Variants in NAV3 observed in about 807,000 individuals in gnomAD.
NAV3 encodes the protein neuron navigator 3.
Under a neutral mutation model 244.7 loss-of-function variants are expected in NAV3, and 87 were observed. The ratio of observed to expected loss-of-function variants is 0.36; its 90% CI spans 0.30 to 0.42. The LOEUF is 0.42. Ranked by LOEUF, NAV3 falls within the 20% of genes least tolerant of loss-of-function variation. The pLI is 1.00. For synonymous variants in NAV3, 1,126 were observed against 1,042.2 expected, an observed-to-expected ratio of 1.08 and a Z score of -1.55; for missense variants, 2,663 against 2,893.3, an observed-to-expected ratio of 0.92 and a Z score of 1.83.
intron 34 of NAV3, 89 bp downstream of exon 34, chr12:78,190,308 T>A: frequency 9.5e-7 from 1 of 1,047,454 alleles, no homozygotes; most frequent in Non-Finnish European, 1.4e-6. Context: ...GACTTCCATG[T>A]TGTACATGGA....
At chr12:78,067,932 T>C (rs887910636) in intron 12 of NAV3, among the ~76,000 whole-genome samples, 1 of 151,458 alleles carries the variant, frequency 6.6e-6, no homozygotes, top group Non-Finnish European at 1.5e-5. Context: ...ATGAGGATGG[T>C]AAACATATTG....
intron 2 of NAV3, among the ~76,000 whole-genome samples, chr12:77,737,025 C>T (rs1056541902): frequency 6.6e-6 from 1 of 151,728 alleles, no homozygotes; most frequent in Non-Finnish European, 1.5e-5. Flanking sequence ...CTCCTTCTAA[C>T]TTGAAGAGGG....
chr12:77,653,189 A>C (rs1410114959), intron 2 of NAV3, among the ~76,000 whole-genome samples: 1 of 152,224 alleles, frequency 6.6e-6, no homozygotes. Context: ...AGCTGCCAAA[A>C]TGCTCAGGTA....
intron 8 of NAV3, among the ~76,000 whole-genome samples, chr12:78,015,346 ATCT>A (rs1159018831): frequency 6.6e-6 from 1 of 152,112 alleles, no homozygotes; most frequent in Non-Finnish European, 1.5e-5. Flanking sequence ...TAGCTGTCAC[ATCT>A]TCTGAATATC....
In NAV3 at chr12:78,146,357, A is replaced by AT; in HGVS notation, c.4684-10dup. ...TTTTATAGTTAAAGTCTTTCTTTTT[A>AT]TTGTTTTACAGGCTGAAGAAAAGGC... On this transcript the variant is annotated splice_polypyrimidine_tract_variant and intron_variant, in intron 20 of 39. Coordinates refer to ENST00000397909, the MANE Select transcript of NAV3 (RefSeq NM_001024383.2). 9.3e-7 allele frequency: 1 copy of AT among 1,071,914 alleles called. No individual in the cohort carries two copies. Among genetic ancestry groups the AT allele is most frequent in the Non-Finnish European group, 1.3e-6 (1 of 766,526 alleles). The allele number at this position is 1,071,914 out of a possible 1,614,324, so 66.4% of individuals were successfully genotyped here.
At chr12:78,097,652 T>C (rs1029785691) in intron 12 of NAV3, among the ~76,000 whole-genome samples, 1 of 152,184 alleles carries the variant, frequency 6.6e-6, no homozygotes, top group African/African-American at 2.4e-5. Context: ...TTAATACTTT[T>C]GTAATTTTGT....
At chr12:77,686,525 A>G (rs1462524408) in intron 2 of NAV3, among the ~76,000 whole-genome samples, 3 of 145,432 alleles carry the variant, frequency 2.1e-5, no homozygotes, top group Non-Finnish European at 4.5e-5. Flanking sequence ...TTTCCTATAT[A>G]TGTAATATTT....
At chr12:77,775,971 G>A (rs1870333622) in intron 2 of NAV3, 1 of 152,192 alleles carries the variant, frequency 6.6e-6, no homozygotes, top group African/African-American at 2.4e-5. Context: ...ATCTTCCCAA[G>A]GGATATAGTC....
chr12:77,978,169 A>T (rs1027082410), intron 5 of NAV3, among the ~76,000 whole-genome samples: 1 of 152,232 alleles, frequency 6.6e-6, no homozygotes, highest in Non-Finnish European at 1.5e-5. Context: ...TACATTTGAA[A>T]GTATGAGATT....
chr12:78,162,894 A>ATATATATT (rs1441428395), intron 23 of NAV3, among the ~76,000 whole-genome samples: 48 of 130,050 alleles, frequency 3.7e-4, no homozygotes, highest in African/African-American at 1.1e-3. Context: ...TATATATAAT[A>ATATATATT]TATATATAAA....
At chr12:77,837,228 TAAAGTTTAAACTTTAAACTTTA>T (rs1874806707) in intron 1 of NAV3, among the ~76,000 whole-genome samples, 1 of 151,232 alleles carries the variant, frequency 6.6e-6, no homozygotes, top group Non-Finnish European at 1.5e-5. Flanking sequence ...TGTAAACTTT[TAAAGTTTAAACTTTAAACTTTA>T]AAAGTTTACA....
At chr12:78,029,625 T>TA (rs530715742) in intron 9 of NAV3, among the ~76,000 whole-genome samples, 19 of 149,126 alleles carry the variant, frequency 1.3e-4, no homozygotes, top group African/African-American at 3.2e-4. Context: ...TCTTCTCACC[T>TA]AAAAAAAAAA....
chr12:78,006,002 G>A lies in NAV3; in HGVS notation c.881-417G>A, dbSNP rs1238820254. Among the ~76,000 whole-genome samples, 5 of 152,058 alleles carry A rather than the reference G, an allele frequency of 3.3e-5. No individual in the cohort carries two copies. In the South Asian group the frequency reaches 6.2e-4, roughly 19 times the overall value. ...CAGCTCACTGCAACCTCTGCTTCCC[G>A]AGTTCAAGCATTATACAACATATTT... On this transcript the variant is annotated intron_variant, in intron 7 of 39. Coordinates refer to ENST00000397909, the MANE Select transcript of NAV3 (RefSeq NM_001024383.2).
intron 2 of NAV3, among the ~76,000 whole-genome samples, chr12:77,762,765 G>A (rs988154010): frequency 2.6e-5 from 4 of 152,004 alleles, no homozygotes; most frequent in African/African-American, 9.7e-5. Flanking sequence ...TGTTAAATGT[G>A]TAGTTTCTGG....
At chr12:78,065,757 C>T (rs1884940524) in intron 12 of NAV3, among the ~76,000 whole-genome samples, 1 of 151,942 alleles carries the variant, frequency 6.6e-6, no homozygotes, top group South Asian at 2.1e-4. Context: ...AGGAAAGTTG[C>T]AGGGAAGGTA....
chr12:77,951,875 A>G (rs1032732106), intron 3 of NAV3, among the ~76,000 whole-genome samples: 2 of 152,012 alleles, frequency 1.3e-5, no homozygotes, highest in African/African-American at 2.4e-5. Context: ...ACATGAGAAC[A>G]CTTGGACACA....
intron 4 of NAV3, 145 bp from the exon 5 acceptor site, chr12:77,968,374 G>T: frequency 1.5e-6 from 1 of 655,178 alleles, no homozygotes; most frequent in Non-Finnish European, 2.6e-6. Context: ...AGAAATTCAG[G>T]TTTGTTTGTG....
chr12:77,737,711 T>A (rs1257180813), intron 2 of NAV3, among the ~76,000 whole-genome samples: 1 of 152,192 alleles, frequency 6.6e-6, no homozygotes, highest in Non-Finnish European at 1.5e-5. Context: ...TTTGTATATG[T>A]AATTTCTGGT....
intron 1 of NAV3, among the ~76,000 whole-genome samples, chr12:77,851,992 C>T (rs1274718792): frequency 1.3e-5 from 2 of 152,130 alleles, no homozygotes; most frequent in African/African-American, 4.8e-5. Context: ...ATGAGAAAGA[C>T]GACCTAGCTA....
Sources: gnomAD v4.1 joint callset for allele counts (sites outside exome capture counted in the v4.1 genomes callset) on GRCh38, gnomAD v4.1.1 for gene constraint, MANE v1.5 for transcripts, NCBI Gene and HGNC (gene_info 2026-07-23, HGNC 2026-07-21) for gene names.